The following HDAC9 variants were observed in gnomAD, a reference collection of about 807,000 sequenced individuals.
HDAC9 encodes the protein MEF-2 interacting transcription repressor (MITR) protein.
Under a neutral mutation model 139.4 loss-of-function variants are expected in HDAC9, and 41 were observed. The observed-to-expected ratio is 0.29, with a 90% CI of 0.23 to 0.38. The LOEUF (loss-of-function observed/expected upper bound fraction) is 0.38. Among genes scored for constraint, HDAC9 ranks in the 10% least tolerant of loss-of-function variants. HDAC9 has a pLI of 1.00. For missense variants in HDAC9, 1,147 were observed against 1,297.0 expected (o/e 0.88, Z 1.78); for synonymous variants, 517 against 476.2 (o/e 1.09, Z -1.12).
At chr7:18,722,506 A>G (rs943814215) in intron 12 of HDAC9, among the ~76,000 whole-genome samples, 2 of 152,200 alleles carry the variant, frequency 1.3e-5, no homozygotes, top group East Asian at 1.9e-4. Context: ...GAATAAAATT[A>G]TCTCAGTAAA....
At chr7:18,324,974 C>T (rs1011956780) in intron 1 of HDAC9, among the ~76,000 whole-genome samples, 2 of 152,052 alleles carry the variant, frequency 1.3e-5, no homozygotes, top group Admixed American at 6.6e-5. Flanking sequence ...TAATAAGCCC[C>T]CTTCCCTTTC....
At chr7:18,601,998 T>A (rs1463683817) in intron 6 of HDAC9, among the ~76,000 whole-genome samples, 1 of 152,176 alleles carries the variant, frequency 6.6e-6, no homozygotes, top group African/African-American at 2.4e-5. Context: ...AGTTAGGAAG[T>A]AGTCCTCCTA....
rs184322989 is a variant in HDAC9 at position 18,619,265 on chromosome 7, T to G, written c.665-10085T>G. ...ATGACATTCAGCATCAAGAAATTCTTAGAAATTAGGGTAGTTGAGGTTCAT... is the reference window on the plus strand; with the variant it reads ...ATGACATTCAGCATCAAGAAATTCTGAGAAATTAGGGTAGTTGAGGTTCAT... On this transcript the variant is annotated intron_variant, in intron 6 of 25. Coordinates refer to ENST00000686413, the MANE Select transcript of HDAC9 (RefSeq NM_178425.4). Among the ~76,000 whole-genome samples, 316 of 152,266 alleles carry G rather than the reference T, an allele frequency of 2.1e-3. 3 individuals are homozygous for G. The highest frequency in any genetic ancestry group is 7.3e-3 in the African/African-American group (304 of 41,544).
At chr7:18,461,045 A>G (rs1433737173) in intron 1 of HDAC9, among the ~76,000 whole-genome samples, 2 of 152,186 alleles carry the variant, frequency 1.3e-5, no homozygotes, top group Non-Finnish European at 2.9e-5. Context: ...GGGGAAGCCT[A>G]TTAACCGTGG....
At chr7:18,495,747 G>T (rs1563048523), upstream of HDAC9, 1 of 989,998 alleles carries the variant, frequency 1.0e-6, no homozygotes, top group Non-Finnish European at 1.2e-6. Context: ...CTGAGAAAGG[G>T]GGAAGAGAGG....
chr7:18,744,022 T>TG (rs1289435210), intron 13 of HDAC9, among the ~76,000 whole-genome samples: 1 of 148,566 alleles, frequency 6.7e-6, no homozygotes, highest in Non-Finnish European at 1.5e-5. Flanking sequence ...GTTTTTTTTT[T>TG]TTTTTTTTTT....
intron 5 of HDAC9, 106 bp from the exon 6 acceptor site, chr7:18,593,802 C>G: frequency 1.7e-6 from 2 of 1,184,004 alleles, no homozygotes; most frequent in East Asian, 2.4e-5. Flanking sequence ...GGAGAAAGAG[C>G]ATAAACATAG....
At chr7:18,432,910 C>G (rs547848327) in intron 1 of HDAC9, among the ~76,000 whole-genome samples, 2 of 150,956 alleles carry the variant, frequency 1.3e-5, no homozygotes, top group African/African-American at 4.9e-5. Flanking sequence ...GAGATCGCGC[C>G]ACTGCATTCC....
chr7:18,157,965 A>G (rs953204934), intron 1 of HDAC9, among the ~76,000 whole-genome samples: 5 of 152,192 alleles, frequency 3.3e-5, no homozygotes, highest in Non-Finnish European at 5.9e-5. Context: ...AGGATACTCT[A>G]TGGAGGAACC....
rs541184268 is a variant in HDAC9 at position 18,574,438 on chromosome 7, G to C, written c.23-10843G>C. 1.4e-3 allele frequency among the ~76,000 whole-genome samples: 208 copies of C among 152,326 alleles called. 2 individuals are homozygous for C. The highest frequency in any genetic ancestry group is 6.8e-3 in the Middle Eastern group (2 of 294). ...GCTAATTGGTCCATGGACGGCCATG[G>C]GTGGGCCTGGATAAAGCACCATAAG... is the stretch of plus-strand genomic sequence containing the variant. On this transcript the variant is annotated intron_variant, in intron 2 of 25. Transcript: ENST00000686413.
intron 1 of HDAC9, among the ~76,000 whole-genome samples, chr7:18,374,222 C>T (rs558887673): frequency 1.3e-5 from 2 of 149,962 alleles, no homozygotes; most frequent in African/African-American, 4.9e-5. Context: ...TATATATACA[C>T]ACACACATAT....
At chr7:18,148,971 T>A (rs563465175) in intron 1 of HDAC9, among the ~76,000 whole-genome samples, 20 of 152,316 alleles carry the variant, frequency 1.3e-4, no homozygotes, top group African/African-American at 4.8e-4. Flanking sequence ...ACACAGATCA[T>A]AGGGTGTCAT....
intron 1 of HDAC9, among the ~76,000 whole-genome samples, chr7:18,412,071 G>A (rs780394399): frequency 7.9e-5 from 12 of 151,732 alleles, no homozygotes; most frequent in South Asian, 2.1e-4. Flanking sequence ...CAAATGATCC[G>A]CTTGCCTTAG....
At chr7:18,908,091 TAATTTGAGA>T (rs1802424223) in intron 22 of HDAC9, among the ~76,000 whole-genome samples, 1 of 152,066 alleles carries the variant, frequency 6.6e-6, no homozygotes, top group African/African-American at 2.4e-5. Flanking sequence ...AATAGTTAGT[TAATTTGAGA>T]CATGAAATGT....
At chr7:18,859,400 C>A (rs1459046929) in intron 21 of HDAC9, among the ~76,000 whole-genome samples, 2 of 152,088 alleles carry the variant, frequency 1.3e-5, no homozygotes, top group Admixed American at 6.6e-5. Flanking sequence ...ATTGAGAAGA[C>A]AGCCTGACTC....
intron 24 of HDAC9, among the ~76,000 whole-genome samples, chr7:18,968,428 TAGAG>T (rs1784024393): frequency 6.6e-6 from 1 of 151,764 alleles, no homozygotes; most frequent in African/African-American, 2.4e-5. Context: ...TATATACAGA[TAGAG>T]ATAGAGAGAT....
At chr7:18,682,474 T>G (rs1050987284) in intron 12 of HDAC9, among the ~76,000 whole-genome samples, 4 of 152,040 alleles carry the variant, frequency 2.6e-5, no homozygotes. Context: ...ACATATTGAT[T>G]TTAGAATAAA....
At chr7:18,711,339 C>T (rs148566187) in intron 12 of HDAC9, among the ~76,000 whole-genome samples, 192 of 152,244 alleles carry the variant, frequency 1.3e-3, no homozygotes, top group African/African-American at 4.4e-3. Context: ...ACTCTGGTTC[C>T]GGCTGCTGTC....
At chr7:18,223,322 C>G (rs1013942856) in intron 2 of HDAC9, among the ~76,000 whole-genome samples, 5 of 151,904 alleles carry the variant, frequency 3.3e-5, no homozygotes, top group Non-Finnish European at 5.9e-5. Context: ...CATATTTACA[C>G]ACATCCCATT....
Sources: allele counts gnomAD v4.1 joint callset (sites outside exome capture counted in the v4.1 genomes callset), GRCh38; gene constraint gnomAD v4.1.1; transcripts MANE v1.5; gene names NCBI Gene and HGNC (gene_info 2026-07-23, HGNC 2026-07-21).